CNTN4: variants seen among roughly 807,000 people sequenced by gnomAD.
CNTN4 encodes contactin-4.
Under a neutral mutation model 122.5 loss-of-function variants are expected in CNTN4, and 77 were observed. The ratio of observed to expected loss-of-function variants is 0.63; its 90% confidence interval spans 0.52 to 0.76. The LOEUF is 0.76. CNTN4 is among the 30% of genes least tolerant of loss of function. The pLI, the probability that CNTN4 is intolerant of heterozygous loss-of-function variation, is 0.00. For synonymous variants in CNTN4, 512 were observed against 447.0 expected (o/e 1.15, Z -1.83); for missense variants, 1,256 against 1,259.1 (o/e 1.00, Z 0.04).
chr3:2,267,036 A>C (rs1420394077), intron 2 of CNTN4, among the ~76,000 whole-genome samples: 1 of 152,098 alleles, frequency 6.6e-6, no homozygotes, highest in Non-Finnish European at 1.5e-5. Flanking sequence ...ATGTCTTGTA[A>C]AGAAAGAAAG....
At chr3:2,961,231 C>CAAAAAAAAAAAAAAAAAAAAAA (rs59790353) in intron 13 of CNTN4, among the ~76,000 whole-genome samples, 5 of 37,252 alleles carry the variant, frequency 1.3e-4, no homozygotes, top group Admixed American at 3.4e-4. Context: ...CTCCATCTCA[C>CAAAAAAAAAAAAAAAAAAAAAA]AAAAAAAAAA....
rs1174089346 is a variant in CNTN4 at position 3,056,406 on chromosome 3, A to G, written c.*186A>G. On this transcript the variant is annotated 3_prime_UTR_variant, in exon 25 of 25. Transcript: ENST00000418658. ...TCAAAGCAAATCTAGCTTTGTCTGA[A>G]GTTTCTTTGGAAACTCTGCAATGCA... 6.9e-6 allele frequency: 4 copies of G among 576,006 alleles called. No homozygotes were observed. The Admixed American group carries it at 1.1e-4, about 16-fold the overall frequency. The allele number at this position is 576,006 out of a possible 1,614,324, so 35.7% of individuals were successfully genotyped here. A position where few individuals can be genotyped will look rare whatever the true frequency, so the allele number is the denominator to read the frequency against.
chr3:2,559,454 C>T (rs1034340016), intron 3 of CNTN4, among the ~76,000 whole-genome samples: 2 of 152,060 alleles, frequency 1.3e-5, no homozygotes, highest in Admixed American at 6.6e-5. Flanking sequence ...CTCCAAGCCC[C>T]GCTTTCCTCT....
At chr3:2,320,911 C>T (rs1001923878) in intron 2 of CNTN4, among the ~76,000 whole-genome samples, 1 of 152,076 alleles carries the variant, frequency 6.6e-6, no homozygotes, top group Non-Finnish European at 1.5e-5. Flanking sequence ...ATTATAACAG[C>T]AGCAGTGAAA....
chr3:2,424,930 T>A (rs1391360958), intron 3 of CNTN4, among the ~76,000 whole-genome samples: 2 of 152,236 alleles, frequency 1.3e-5, no homozygotes, highest in African/African-American at 2.4e-5. Context: ...TGACTTATTC[T>A]TGTAAATTTG....
intron 4 of CNTN4, among the ~76,000 whole-genome samples, chr3:2,683,031 C>G (rs1329440669): frequency 6.6e-6 from 1 of 152,142 alleles, no homozygotes; most frequent in Non-Finnish European, 1.5e-5. Context: ...TGTCTTGTCA[C>G]TTTCCTGTGT....
chr3:2,376,271 A>G lies in CNTN4; in HGVS notation c.-89+37038A>G, dbSNP rs552218033. On this transcript the variant is annotated intron_variant, in intron 3 of 24. Transcript: ENST00000418658. The stretch of plus-strand genomic sequence containing the variant: ...AGTTTCTATCGAACTATTTAATTAA[A>G]TGGAATAATAATTATTATTCCCTGA... Among the ~76,000 whole-genome samples, 69 of 152,322 alleles carry G rather than the reference A, an allele frequency of 4.5e-4. 2 individuals are homozygous for G. The highest frequency in any genetic ancestry group is 1.6e-3 in the African/African-American group (68 of 41,570).
chr3:2,388,231 T>C (rs754853426), intron 3 of CNTN4, among the ~76,000 whole-genome samples: 16 of 152,216 alleles, frequency 1.1e-4, no homozygotes, highest in Non-Finnish European at 2.2e-4. Flanking sequence ...TTTCAGTTAT[T>C]ATTGCTCTAA....
intron 6 of CNTN4, among the ~76,000 whole-genome samples, chr3:2,781,786 G>T (rs1260250740): frequency 7.6e-6 from 1 of 131,800 alleles, no homozygotes; most frequent in African/African-American, 3.4e-5. Context: ...GGGCAGTAGC[G>T]CGATCTCTGC....
chr3:2,322,544 T>C (rs928502092), intron 2 of CNTN4, among the ~76,000 whole-genome samples: 3 of 152,082 alleles, frequency 2.0e-5, no homozygotes, highest in African/African-American at 7.2e-5. Flanking sequence ...TGGGGAGTTA[T>C]TTTTTTAATG....
chr3:3,007,637 C>T (rs1696787614), intron 14 of CNTN4, among the ~76,000 whole-genome samples: 1 of 152,174 alleles, frequency 6.6e-6, no homozygotes, highest in Admixed American at 6.5e-5. Context: ...TGCTTGTTTT[C>T]TGCACGTTAC....
intron 2 of CNTN4, among the ~76,000 whole-genome samples, chr3:2,268,185 A>G (rs1226981690): frequency 6.6e-6 from 1 of 152,112 alleles, no homozygotes; most frequent in African/African-American, 2.4e-5. Context: ...AGGTAGGACT[A>G]TTCTCTAAGA....
At chr3:2,989,505 G>A (rs1694868664) in intron 14 of CNTN4, among the ~76,000 whole-genome samples, 1 of 152,150 alleles carries the variant, frequency 6.6e-6, no homozygotes, top group Non-Finnish European at 1.5e-5. Flanking sequence ...ATTTAAAGAA[G>A]AAAGCTAAAA....
rs527237241 is a variant in CNTN4 at position 2,355,898 on chromosome 3, T to G, written c.-89+16665T>G. On this transcript the variant is annotated intron_variant, in intron 3 of 24. Coordinates refer to ENST00000418658, the MANE Select transcript of CNTN4 (RefSeq NM_175607.3). ...CCATCAATGCTCAATTGTAATCTAA[T>G]TCAAATTGTAGCAGGGGCAGGGTTT... Among the ~76,000 whole-genome samples the G allele has an allele frequency of 1.2e-3, 184 of 152,316 alleles. 1 individual carries two copies. The highest frequency in any genetic ancestry group is 1.2e-3 in the Non-Finnish European group (79 of 68,018).
chr3:2,142,838 T>C (rs2035065590), intron 2 of CNTN4, among the ~76,000 whole-genome samples: 2 of 152,344 alleles, frequency 1.3e-5, no homozygotes, highest in African/African-American at 4.8e-5. Flanking sequence ...ATGTGAGATC[T>C]TGAGAGAGAA....
intron 10 of CNTN4, among the ~76,000 whole-genome samples, chr3:2,896,488 C>T (rs1289776077): frequency 6.6e-6 from 1 of 152,084 alleles, no homozygotes; most frequent in Non-Finnish European, 1.5e-5. Flanking sequence ...TGGACCTTGC[C>T]CTGAAATCCA....
chr3:2,458,055 T>G (rs2049065820), intron 3 of CNTN4, among the ~76,000 whole-genome samples: 1 of 152,132 alleles, frequency 6.6e-6, no homozygotes, highest in Admixed American at 6.6e-5. Flanking sequence ...CAGCTTCATT[T>G]GCATGGAAGT....
chr3:2,990,315 G>A (rs534429158), intron 14 of CNTN4, among the ~76,000 whole-genome samples: 19 of 152,214 alleles, frequency 1.2e-4, no homozygotes, highest in African/African-American at 4.1e-4. Context: ...TCTAAATCCT[G>A]TTGAAATGAA....
chr3:2,379,967 G>T (rs1026172508), intron 3 of CNTN4, among the ~76,000 whole-genome samples: 2 of 149,236 alleles, frequency 1.3e-5, no homozygotes, highest in African/African-American at 5.0e-5. Flanking sequence ...TGAGACCGGA[G>T]AATCGCTTGA....
Sources: gnomAD v4.1 joint callset for allele counts (sites outside exome capture counted in the v4.1 genomes callset) on GRCh38, gnomAD v4.1.1 for gene constraint, MANE v1.5 for transcripts, NCBI Gene and HGNC (gene_info 2026-07-23, HGNC 2026-07-21) for gene names.